RGS5: variants seen among roughly 807,000 people sequenced by gnomAD.
RGS5 encodes the protein regulator of G-protein signalling 5.
Under a neutral mutation model 18.9 loss-of-function variants are expected in RGS5, and 20 were observed. The observed-to-expected ratio is 1.06, with a 90% confidence interval of 0.74 to 1.54. The LOEUF (loss-of-function observed/expected upper bound fraction) is 1.54. Among genes scored for constraint, RGS5 ranks in the 40% most tolerant of loss-of-function variants. The pLI is 0.00. For missense variants in RGS5, 201 were observed against 211.8 expected, an observed-to-expected ratio of 0.95 and a Z score of 0.32; for synonymous variants, 57 against 76.2, an observed-to-expected ratio of 0.75 and a Z score of 1.31.
At chr1:163,289,932 C>T (rs750085613) in intron 2 of RGS5, among the ~76,000 whole-genome samples, 30 of 152,296 alleles carry the variant, frequency 2.0e-4, no homozygotes, top group South Asian at 1.2e-3. Context: ...TAGGTAAATG[C>T]TGGCAGCTAT....
chr1:163,307,215 C>A (rs1649725757), intron 1 of RGS5, among the ~76,000 whole-genome samples: 1 of 152,190 alleles, frequency 6.6e-6, no homozygotes, highest in Non-Finnish European at 1.5e-5. Flanking sequence ...CTCTCTACCA[C>A]ATCCCTCTTC....
At chr1:163,199,761 A>G (rs1375814575) in intron 1 of RGS5, among the ~76,000 whole-genome samples, 1 of 151,974 alleles carries the variant, frequency 6.6e-6, no homozygotes. Flanking sequence ...ATTTTTCATT[A>G]TTTGATTCTT....
Position 163,262,024 on chromosome 1 carries a change from A to G in RGS5, c.-281+44209T>C, listed in dbSNP as rs563112723. 2.6e-5 allele frequency among the ~76,000 whole-genome samples: 4 copies of G among 151,912 alleles called. No homozygotes were observed. In the South Asian group the frequency reaches 8.3e-4, roughly 32 times the overall value. ...CAATCCACACAATATCAGATAATCT[A>G]CTCCATAATGAAGGTAACAATCTAG... On this transcript the variant is annotated intron_variant, in intron 2 of 5. Coordinates refer to the RGS5 transcript ENST00000618415.
intron 2 of RGS5, among the ~76,000 whole-genome samples, chr1:163,303,696 C>T (rs1301361878): frequency 2.6e-5 from 4 of 152,138 alleles, no homozygotes; most frequent in Admixed American, 1.3e-4. Flanking sequence ...AGACAGGTAC[C>T]GGTCTGTGGC....
At chr1:163,277,564 T>C (rs565391381) in intron 2 of RGS5, among the ~76,000 whole-genome samples, 1 of 152,232 alleles carries the variant, frequency 6.6e-6, no homozygotes, top group Admixed American at 6.5e-5. Context: ...TAATTGAAAA[T>C]GTTATATAAA....
intron 2 of RGS5, among the ~76,000 whole-genome samples, chr1:163,292,694 T>G (rs1056627573): frequency 6.6e-6 from 1 of 152,212 alleles, no homozygotes; most frequent in Non-Finnish European, 1.5e-5. Context: ...TTTTTTGGCT[T>G]TTTAGTAATA....
chr1:163,295,992 A>T (rs4657258), intron 2 of RGS5, among the ~76,000 whole-genome samples: 63,233 of 152,002 alleles, frequency 0.42, 13,647 homozygotes, highest in South Asian at 0.5. Flanking sequence ...AAATTTATCA[A>T]GCTACAATAT....
At chr1:163,242,934 C>A (rs1647827084) in intron 2 of RGS5, among the ~76,000 whole-genome samples, 1 of 152,164 alleles carries the variant, frequency 6.6e-6, no homozygotes, top group South Asian at 2.1e-4. Flanking sequence ...TCTATAACTG[C>A]AACTCACCGT....
chr1:163,156,804 T>C (rs921678294), intron 3 of RGS5, among the ~76,000 whole-genome samples: 4 of 152,236 alleles, frequency 2.6e-5, no homozygotes, highest in African/African-American at 9.6e-5. Flanking sequence ...AATTTCATTT[T>C]CTGAAAACTA....
intron 4 of RGS5, among the ~76,000 whole-genome samples, chr1:163,150,856 TG>T (rs1657343849): frequency 6.6e-6 from 1 of 152,156 alleles, no homozygotes; most frequent in South Asian, 2.1e-4. Context: ...ACATATCTAA[TG>T]GTGGAACTCC....
At chr1:163,254,421 A>C (rs1021830775) in intron 2 of RGS5, among the ~76,000 whole-genome samples, 1 of 152,010 alleles carries the variant, frequency 6.6e-6, no homozygotes, top group African/African-American at 2.4e-5. Flanking sequence ...GCATTTTTTC[A>C]TGTGTTTTTT....
chr1:163,236,616 C>T (rs1385667540), intron 2 of RGS5, among the ~76,000 whole-genome samples: 1 of 151,950 alleles, frequency 6.6e-6, no homozygotes, highest in Non-Finnish European at 1.5e-5. Context: ...GCCTACAAAC[C>T]AGCAATATAA....
At chr1:163,280,621 A>T (rs1426193785) in intron 2 of RGS5, among the ~76,000 whole-genome samples, 1 of 147,232 alleles carries the variant, frequency 6.8e-6, no homozygotes, top group Non-Finnish European at 1.5e-5. Context: ...AGAGCACAAA[A>T]AAAGTAAAAA....
chr1:163,203,921 G>A (rs1258469170), upstream of RGS5, among the ~76,000 whole-genome samples: 1 of 151,834 alleles, frequency 6.6e-6, no homozygotes, highest in East Asian at 1.9e-4. Flanking sequence ...ATGCCTAAAA[G>A]GTAGGCATGA....
At chr1:163,235,870 C>T (rs1300005526) in intron 2 of RGS5, among the ~76,000 whole-genome samples, 3 of 152,204 alleles carry the variant, frequency 2.0e-5, no homozygotes, top group African/African-American at 4.8e-5. Flanking sequence ...GGGCAGGTTT[C>T]TCTCTACTTT....
intron 2 of RGS5, among the ~76,000 whole-genome samples, chr1:163,229,149 A>G (rs1326961368): frequency 2.0e-5 from 3 of 152,200 alleles, no homozygotes; most frequent in African/African-American, 7.2e-5. Context: ...TCATGCCACT[A>G]TAAAAAACTG....
chr1:163,287,697 C>T (rs1649179015), intron 2 of RGS5, among the ~76,000 whole-genome samples: 1 of 152,164 alleles, frequency 6.6e-6, no homozygotes, highest in East Asian at 1.9e-4. Context: ...TAATATGACT[C>T]CTCCAATACT....
chr1:163,243,099 T>C (rs1647831907), intron 2 of RGS5, among the ~76,000 whole-genome samples: 1 of 152,192 alleles, frequency 6.6e-6, no homozygotes, highest in Non-Finnish European at 1.5e-5. Flanking sequence ...CACTATGGAA[T>C]ACTATGTAGC....
intron 2 of RGS5, among the ~76,000 whole-genome samples, chr1:163,236,279 C>T (rs1647620038): frequency 6.6e-6 from 1 of 151,886 alleles, no homozygotes. Context: ...TTCTCCTTGC[C>T]TCCTCATAGT....
Sources: allele counts gnomAD v4.1 joint callset (sites outside exome capture counted in the v4.1 genomes callset), GRCh38; gene constraint gnomAD v4.1.1; transcripts MANE v1.5; gene names NCBI Gene and HGNC (gene_info 2026-07-23, HGNC 2026-07-21).